The following NAALADL2 variants were observed in gnomAD, a reference collection of about 807,000 sequenced individuals.
NAALADL2 encodes N-acetylated alpha-linked acidic dipeptidase like 2.
NAALADL2 carries 76 observed loss-of-function variants against 87.2 expected under a neutral mutation model. The observed-to-expected ratio is 0.87, with a 90% CI of 0.72 to 1.05. The LOEUF is 1.05. NAALADL2 is among the 50% of genes least tolerant of loss of function. NAALADL2 has a pLI of 0.00. For synonymous variants in NAALADL2, 354 were observed against 331.0 expected (o/e 1.07, Z -0.75); for missense variants, 1,089 against 945.8 (o/e 1.15, Z -1.99).
intron 1 of NAALADL2, among the ~76,000 whole-genome samples, chr3:174,994,797 T>A (rs2108733540): frequency 6.6e-6 from 1 of 152,306 alleles, no homozygotes; most frequent in Admixed American, 6.5e-5. Context: ...GTAGACATTA[T>A]TTTTAATATA....
chr3:175,626,255 A>G (rs1416916882), intron 10 of NAALADL2, among the ~76,000 whole-genome samples: 1 of 151,872 alleles, frequency 6.6e-6, no homozygotes, highest in African/African-American at 2.4e-5. Flanking sequence ...GAAGACTATG[A>G]CCCATTAATT....
At chr3:175,666,057 C>G (rs527400646) in intron 11 of NAALADL2, among the ~76,000 whole-genome samples, 3 of 152,202 alleles carry the variant, frequency 2.0e-5, no homozygotes, top group African/African-American at 7.2e-5. Flanking sequence ...GATTAAGAAA[C>G]TTATTCAGTC....
chr3:175,501,312 G>A (rs1439275033), intron 9 of NAALADL2, among the ~76,000 whole-genome samples: 4 of 152,040 alleles, frequency 2.6e-5, no homozygotes. Flanking sequence ...TTCATGTTCA[G>A]GTAGGTTCCA....
At chr3:175,187,291 G>A (rs1737484056) in intron 2 of NAALADL2, among the ~76,000 whole-genome samples, 1 of 152,162 alleles carries the variant, frequency 6.6e-6, no homozygotes, top group Admixed American at 6.5e-5. Context: ...ATACAAGTGA[G>A]TTCATGACTA....
intron 1 of NAALADL2, among the ~76,000 whole-genome samples, chr3:175,036,121 G>T (rs763058043): frequency 1.3e-5 from 2 of 152,098 alleles, no homozygotes; most frequent in Non-Finnish European, 2.9e-5. Flanking sequence ...TGAAGTAAAT[G>T]TTAAAATCCT....
At chr3:175,058,430 C>A (rs1712699992) in intron 1 of NAALADL2, among the ~76,000 whole-genome samples, 1 of 152,136 alleles carries the variant, frequency 6.6e-6, no homozygotes, top group Non-Finnish European at 1.5e-5. Flanking sequence ...AGGCACTGAA[C>A]AAGTCTCTAT....
intron 4 of NAALADL2, among the ~76,000 whole-genome samples, chr3:175,265,242 G>T (rs1751725982): frequency 6.6e-6 from 1 of 151,588 alleles, no homozygotes; most frequent in Non-Finnish European, 1.5e-5. Flanking sequence ...TTCCGGAATG[G>T]TTATGACATT....
At chr3:174,914,339 A>G (rs560900022) in intron 1 of NAALADL2, among the ~76,000 whole-genome samples, 19 of 152,178 alleles carry the variant, frequency 1.2e-4, no homozygotes, top group Non-Finnish European at 2.6e-4. Flanking sequence ...CTAGGATTAC[A>G]GGTGTGAGCC....
intron 1 of NAALADL2, among the ~76,000 whole-genome samples, chr3:175,017,203 T>A (rs181548705): frequency 6.6e-6 from 1 of 152,052 alleles, no homozygotes; most frequent in Non-Finnish European, 1.5e-5. Context: ...TTCATAGATA[T>A]ATAACTTAAT....
chr3:174,710,085 T>C (rs1199464725), intron 2 of NAALADL2, among the ~76,000 whole-genome samples: 1 of 152,206 alleles, frequency 6.6e-6, no homozygotes, highest in Non-Finnish European at 1.5e-5. Flanking sequence ...TAGTCCTCGG[T>C]GTATACTGTC....
At chr3:175,731,708 T>C (rs565958910) in intron 11 of NAALADL2, among the ~76,000 whole-genome samples, 1 of 152,326 alleles carries the variant, frequency 6.6e-6, no homozygotes, top group African/African-American at 2.4e-5. Flanking sequence ...CAGGTGTTTC[T>C]GAAGTCTCAA....
Position 174,968,700 on chromosome 3 carries a change from G to A in NAALADL2, c.43+109250G>A, listed in dbSNP as rs540149152. Among the ~76,000 whole-genome samples, 3 of 152,148 alleles carry A rather than the reference G, an allele frequency of 2.0e-5. No individual in the cohort carries two copies. The East Asian group carries it at 5.8e-4, about 29-fold the overall frequency. Reference sequence around the variant, plus strand: ...TCACCAAGTTGACCAGGCTTGTCTTGAACTCCTGACCTCGTGATCCGCCGC... The same window carrying A: ...TCACCAAGTTGACCAGGCTTGTCTTAAACTCCTGACCTCGTGATCCGCCGC... On this transcript the variant is annotated intron_variant, in intron 1 of 13. Transcript: ENST00000454872.
rs1197157538 is a variant in NAALADL2, at chr3:174,727,196, G to T, written c.-114-10445G>T. ...TCTGTGAGAAAAATGTTGTTTTCTT[G>T]TTTTTTTTTCAATATTTTGACTATA... On this transcript the variant is annotated intron_variant, in intron 2 of 3. Coordinates refer to the NAALADL2 transcript ENST00000434257. Among the ~76,000 whole-genome samples the T allele has an allele frequency of 3.6e-5, 5 of 138,714 alleles. No homozygotes were observed. In the South Asian group the frequency reaches 7.0e-4, roughly 19 times the overall value. The allele number at this position is 138,714 out of a possible 152,430, so 91.0% of individuals were successfully genotyped here.
intron 2 of NAALADL2, among the ~76,000 whole-genome samples, chr3:174,698,545 G>A (rs1273938778): frequency 6.6e-6 from 1 of 151,938 alleles, no homozygotes; most frequent in African/African-American, 2.4e-5. Context: ...TAGTTTCCTT[G>A]TTTTGCTGTA....
intron 1 of NAALADL2, among the ~76,000 whole-genome samples, chr3:175,075,070 A>G (rs1291050597): frequency 6.6e-6 from 1 of 152,150 alleles, no homozygotes; most frequent in Non-Finnish European, 1.5e-5. Context: ...TATGCCAAGC[A>G]CTGTTCTACC....
intron 1 of NAALADL2, among the ~76,000 whole-genome samples, chr3:175,042,851 C>CG (rs1560507490): frequency 1.3e-5 from 2 of 152,156 alleles, no homozygotes; most frequent in East Asian, 3.9e-4. Context: ...GTTTTAGTCA[C>CG]GGGGGTGAAT....
chr3:175,440,737 A>T (rs893133875), intron 5 of NAALADL2, among the ~76,000 whole-genome samples: 1 of 152,016 alleles, frequency 6.6e-6, no homozygotes, highest in Admixed American at 6.6e-5. Context: ...TTTATTTTTT[A>T]ATCCTGAAAC....
intron 3 of NAALADL2, among the ~76,000 whole-genome samples, chr3:174,752,070 C>G (rs1194776928): frequency 6.6e-6 from 1 of 151,954 alleles, no homozygotes; most frequent in Admixed American, 6.6e-5. Context: ...CTCTGCCTCC[C>G]GGGTTCACGC....
At chr3:174,971,375 C>A (rs1290795140) in intron 1 of NAALADL2, among the ~76,000 whole-genome samples, 1 of 152,144 alleles carries the variant, frequency 6.6e-6, no homozygotes, top group Non-Finnish European at 1.5e-5. Context: ...TGTCCTTAAG[C>A]ATTTGCTTTC....
Sources: gnomAD v4.1 joint callset for allele counts (sites outside exome capture counted in the v4.1 genomes callset) on GRCh38, gnomAD v4.1.1 for gene constraint, MANE v1.5 for transcripts, NCBI Gene and HGNC (gene_info 2026-07-23, HGNC 2026-07-21) for gene names.